ADGRB3: variants seen among roughly 807,000 people sequenced by gnomAD.
ADGRB3 encodes adhesion G protein-coupled receptor B3.
A neutral mutation model predicts 193.4 loss-of-function variants in ADGRB3; 37 were observed. The ratio of observed to expected loss-of-function variants is 0.19; its 90% CI spans 0.15 to 0.25. The LOEUF is 0.25. Among genes scored for constraint, ADGRB3 ranks in the 10% least tolerant of loss-of-function variants. The pLI is 1.00. For synonymous variants in ADGRB3, 690 were observed against 644.2 expected (o/e 1.07, Z -1.08); for missense variants, 1,637 against 1,852.9 (o/e 0.88, Z 2.14).
At chr6:69,027,432 A>G (rs1269361887) in intron 13 of ADGRB3, among the ~76,000 whole-genome samples, 5 of 152,280 alleles carry the variant, frequency 3.3e-5, no homozygotes, top group Middle Eastern at 3.4e-3. Context: ...GCTGTTTTAC[A>G]GTTAACTTTT....
intron 20 of ADGRB3, among the ~76,000 whole-genome samples, chr6:69,245,601 A>G (rs1766482035): frequency 6.6e-6 from 1 of 150,912 alleles, no homozygotes; most frequent in Non-Finnish European, 1.5e-5. Context: ...AAATTAATCT[A>G]TTTTTTTTTG....
chr6:68,699,658 C>T (rs1205841294), intron 3 of ADGRB3, among the ~76,000 whole-genome samples: 1 of 151,742 alleles, frequency 6.6e-6, no homozygotes, highest in Non-Finnish European at 1.5e-5. Context: ...AAATCACAAA[C>T]AGAATACAAA....
At chr6:69,100,902 AAGCGAGGGAGGGAAGGAAGGAAGG>A (rs1773026913) in intron 17 of ADGRB3, among the ~76,000 whole-genome samples, 1 of 3,922 alleles carries the variant, frequency 2.5e-4, no homozygotes, top group Non-Finnish European at 4.4e-4. Context: ...AGGAAGGAAG[AAGCGAGGGAGGGAAGGAAGGAAGG>A]AGGGAGGGAG....
At chr6:69,322,784 C>T (rs1229217972) in intron 20 of ADGRB3, among the ~76,000 whole-genome samples, 1 of 151,956 alleles carries the variant, frequency 6.6e-6, no homozygotes, top group African/African-American at 2.4e-5. Context: ...CACATGTACA[C>T]ATTCCTTAAG....
At position 68,935,784 on chromosome 6, in the gene ADGRB3, G is replaced by T. The variant is rs572748100; in HGVS notation, c.869-735G>T. ...AGATGCTAACTCCAAGAAAATTAAT[G>T]AATTTAGACATTCATTAGCTTTTTA... On this transcript the variant is annotated intron_variant, in intron 4 of 31. Coordinates refer to ENST00000370598, the MANE Select transcript of ADGRB3 (RefSeq NM_001704.3). 4.3e-4 allele frequency among the ~76,000 whole-genome samples: 66 copies of T among 152,006 alleles called. 1 individual carries two copies. Among genetic ancestry groups the T allele is most frequent in the Non-Finnish European group, 8.1e-4 (55 of 67,994 alleles).
At chr6:69,146,107 T>C (rs1033329946) in intron 17 of ADGRB3, among the ~76,000 whole-genome samples, 5 of 152,100 alleles carry the variant, frequency 3.3e-5, no homozygotes, top group South Asian at 2.1e-4. Flanking sequence ...GTACCACTTT[T>C]TATGGTGCCC....
At chr6:69,031,122 T>C (rs1287588519) in intron 13 of ADGRB3, among the ~76,000 whole-genome samples, 1 of 130,840 alleles carries the variant, frequency 7.6e-6, no homozygotes, top group Non-Finnish European at 1.6e-5. Context: ...TTCTCTCTCT[T>C]CTCTCTGTCT....
intron 20 of ADGRB3, among the ~76,000 whole-genome samples, chr6:69,303,614 A>G (rs559591192): frequency 2.8e-4 from 43 of 151,980 alleles, no homozygotes; most frequent in Non-Finnish European, 1.0e-4. Flanking sequence ...TTTGGCATCT[A>G]TTAAGTTCTT....
At chr6:69,043,034 T>C (rs923245779) in intron 13 of ADGRB3, among the ~76,000 whole-genome samples, 8 of 152,138 alleles carry the variant, frequency 5.3e-5, no homozygotes, top group Non-Finnish European at 1.2e-4. Context: ...AATGCAATCC[T>C]TTTGAAATGC....
At chr6:68,808,868 G>T (rs1467789587) in intron 3 of ADGRB3, among the ~76,000 whole-genome samples, 1 of 152,174 alleles carries the variant, frequency 6.6e-6, no homozygotes, top group African/African-American at 2.4e-5. Flanking sequence ...ACCTGTAAAA[G>T]AGTAACACTG....
At chr6:68,725,487 T>G (rs1364180230) in intron 3 of ADGRB3, among the ~76,000 whole-genome samples, 4 of 151,650 alleles carry the variant, frequency 2.6e-5, no homozygotes, top group African/African-American at 9.7e-5. Flanking sequence ...ATGAGATGTA[T>G]TCATACAACA....
At position 69,277,633 on chromosome 6, in the gene ADGRB3, C is replaced by T. The variant is rs188976812; in HGVS notation, c.2814+38407C>T. On this transcript the variant is annotated intron_variant, in intron 20 of 31. Coordinates refer to ENST00000370598, the MANE Select transcript of ADGRB3 (RefSeq NM_001704.3). ...GGCTGCATTTTAGAGTTATGATCTG[C>T]TGCTATGGATTTCTATAGAGCTAAT... is the stretch of plus-strand genomic sequence containing the variant. Among the ~76,000 whole-genome samples, 71 of 152,220 alleles carry T rather than the reference C, an allele frequency of 4.7e-4. 1 individual carries two copies. Among genetic ancestry groups the T allele is most frequent in the African/African-American group, 1.6e-3 (67 of 41,536 alleles).
At chr6:69,015,329 G>T (rs543731467) in intron 12 of ADGRB3, among the ~76,000 whole-genome samples, 253 of 152,042 alleles carry the variant, frequency 1.7e-3, no homozygotes, top group African/African-American at 5.9e-3. Context: ...TCTTGTCAAT[G>T]AAAAATCCTG....
chr6:69,374,703 C>T (rs1381797041), intron 30 of ADGRB3, among the ~76,000 whole-genome samples: 3 of 152,064 alleles, frequency 2.0e-5, no homozygotes, highest in East Asian at 3.9e-4. Flanking sequence ...TAGTGATATT[C>T]TTGTGTTCTG....
At chr6:69,119,196 A>G (rs531552964) in intron 17 of ADGRB3, among the ~76,000 whole-genome samples, 6 of 152,318 alleles carry the variant, frequency 3.9e-5, no homozygotes, top group Admixed American at 6.5e-5. Flanking sequence ...TATTTTAGGG[A>G]GAGTATTGAT....
chr6:69,046,957 A>G (rs1036679581), intron 13 of ADGRB3, among the ~76,000 whole-genome samples: 4 of 152,114 alleles, frequency 2.6e-5, no homozygotes, highest in Admixed American at 1.3e-4. Flanking sequence ...TCCCGGGTTC[A>G]CACCATTCTT....
intron 11 of ADGRB3, among the ~76,000 whole-genome samples, chr6:68,994,933 AC>A (rs1446462679): frequency 2.0e-5 from 3 of 152,214 alleles, no homozygotes; most frequent in African/African-American, 7.2e-5. Context: ...GGAAAACAAG[AC>A]TTTTTAGAAT....
At chr6:68,990,949 G>A (rs1769220545) in intron 10 of ADGRB3, among the ~76,000 whole-genome samples, 1 of 152,036 alleles carries the variant, frequency 6.6e-6, no homozygotes, top group East Asian at 1.9e-4. Context: ...CTTTTTTTAG[G>A]TTAGACTCTA....
intron 19 of ADGRB3, among the ~76,000 whole-genome samples, chr6:69,236,348 G>A (rs62406850): frequency 0.14 from 21,784 of 151,842 alleles, 1,617 homozygotes; most frequent in Middle Eastern, 0.16. Context: ...AGTAGTGAGA[G>A]ACACTGACAA....
Sources: allele counts gnomAD v4.1 joint callset (sites outside exome capture counted in the v4.1 genomes callset), GRCh38; gene constraint gnomAD v4.1.1; transcripts MANE v1.5; gene names NCBI Gene and HGNC (gene_info 2026-07-23, HGNC 2026-07-21).